The following SPAG1 variants were observed in gnomAD, a reference collection of about 807,000 sequenced individuals.
The protein encoded by SPAG1 is sperm-associated antigen 1.
Under a neutral mutation model 100.5 loss-of-function variants are expected in SPAG1, and 69 were observed. The observed-to-expected ratio is 0.69, with a 90% CI of 0.57 to 0.84. SPAG1 has a LOEUF of 0.84. SPAG1 is among the 40% of genes least tolerant of loss of function. The pLI is 0.00. For synonymous variants in SPAG1, 336 were observed against 411.6 expected (o/e 0.82, Z 2.22); for missense variants, 955 against 1,133.1 (o/e 0.84, Z 2.26).
intron 2 of SPAG1, among the ~76,000 whole-genome samples, chr8:100,164,761 T>C (rs957876560): frequency 6.6e-6 from 1 of 152,228 alleles, no homozygotes; most frequent in East Asian, 1.9e-4. Context: ...TTCATTGATA[T>C]GTTTATTGAC....
rs1254128805 is a variant in SPAG1 at position 100,241,707 on chromosome 8, A to G, written c.*685A>G. The G allele has an allele frequency of 6.6e-6, 1 of 152,222 alleles. No individual in the cohort carries two copies. Among genetic ancestry groups the G allele is most frequent in the Non-Finnish European group, 1.5e-5 (1 of 68,016 alleles). 9.4% of individuals were successfully genotyped at this position (152,222 alleles called of 1,614,324 possible). The stretch of plus-strand genomic sequence containing the variant: ...TAAGCAAAAAACCAACCACTGTATT[A>G]AAGCAAACTAAGCCTGCATTTATAT... On this transcript the variant is annotated 3_prime_UTR_variant, in exon 19 of 19. Transcript: ENST00000388798. The surrounding 1 kb of genome is among the most constrained non-coding windows in gnomAD (Gnocchi z 5.1).
In SPAG1 at chr8:100,168,906, C is replaced by G. The variant is rs186911135; in HGVS notation, c.300+2933C>G. On this transcript the variant is annotated intron_variant, in intron 3 of 18. Transcript: ENST00000388798. ...TTCTCCATGTTGGTCAGGCTGGTCT[C>G]GAACTCCCAACCTCATGTGATCTGC... Among the ~76,000 whole-genome samples, 187 of 151,848 alleles carry G rather than the reference C, an allele frequency of 1.2e-3. 1 individual carries two copies. The highest frequency in any genetic ancestry group is 0.011 in the Admixed American group (167 of 15,256).
intron 2 of SPAG1, among the ~76,000 whole-genome samples, chr8:100,162,773 T>C (rs1815370637): frequency 6.6e-6 from 1 of 151,338 alleles, no homozygotes. Flanking sequence ...AGCTCAGGAG[T>C]TCAAGACCAG....
At chr8:100,162,442 CAT>C (rs1815351903) in intron 2 of SPAG1, 22 bp downstream of exon 2, 35 of 1,536,494 alleles carry the variant, frequency 2.3e-5, no homozygotes, top group Non-Finnish European at 2.7e-5. Context: ...AAAATCATTA[CAT>C]GTTTTAGTAT....
At chr8:100,229,856 T>G (rs1818686239) in intron 14 of SPAG1, among the ~76,000 whole-genome samples, 1 of 152,158 alleles carries the variant, frequency 6.6e-6, no homozygotes, top group South Asian at 2.1e-4. Context: ...TATCCACAGG[T>G]GGAGTGGCTG....
chr8:100,160,633 A>AG (rs1563764921), intron 1 of SPAG1, among the ~76,000 whole-genome samples: 1 of 151,930 alleles, frequency 6.6e-6, no homozygotes, highest in Non-Finnish European at 1.5e-5. Flanking sequence ...ACTCAAAAAA[A>AG]AAAAAAAAAA....
intron 3 of SPAG1, among the ~76,000 whole-genome samples, chr8:100,166,583 G>C (rs975471167): frequency 2.0e-5 from 3 of 151,722 alleles, no homozygotes; most frequent in Non-Finnish European, 2.9e-5. Flanking sequence ...GCACCTCCCT[G>C]ATTATTTCCT....
rs774653418 is a variant in SPAG1 at position 100,177,489 on chromosome 8, T to C, written c.301-327T>C. On this transcript the variant is annotated intron_variant, in intron 3 of 18. Coordinates refer to ENST00000388798, the MANE Select transcript of SPAG1 (RefSeq NM_003114.5). ...TATGGTCTGTAAGTGTTTGTGTGGG[T>C]AAGTTTTGATAAATTTTAACTTTTT... is the stretch of plus-strand genomic sequence containing the variant. 1.2e-3 allele frequency among the ~76,000 whole-genome samples: 181 copies of C among 152,314 alleles called. 2 individuals carry two copies. The highest frequency in any genetic ancestry group is 2.1e-3 in the Non-Finnish European group (145 of 68,022).
rs1320596691 is a variant in SPAG1 at position 100,240,962 on chromosome 8, A to G, written c.2721A>G (p.Thr907=). The change falls in exon 19 of 19, where the codon ACA becomes ACG. Residue 907 remains threonine, a synonymous_variant. Transcript: ENST00000388798. ...AGCTGTTTGAGGACCTTTCGGACACACCAAACAACCATTTTACTTTAGAAG... is the reference window on the plus strand; with the variant it reads ...AGCTGTTTGAGGACCTTTCGGACACGCCAAACAACCATTTTACTTTAGAAG... ...IEQLFEDLSD[T]PNNHFTLEDI... is the part of the protein sequence containing the mutation. 6.2e-7 allele frequency: 1 copy of G among 1,613,242 alleles called. No homozygotes were observed. The highest frequency in any genetic ancestry group is 1.7e-5 in the Admixed American group (1 of 59,896).
intron 3 of SPAG1, among the ~76,000 whole-genome samples, chr8:100,166,257 A>T (rs1212954721): frequency 6.6e-6 from 1 of 151,364 alleles, no homozygotes; most frequent in African/African-American, 2.4e-5. Context: ...TTTATTTGTA[A>T]TTTTTTTTCT....
At chr8:100,217,451 T>G (rs1401543201) in intron 12 of SPAG1, among the ~76,000 whole-genome samples, 1 of 152,128 alleles carries the variant, frequency 6.6e-6, no homozygotes, top group East Asian at 1.9e-4. Flanking sequence ...CCATTTGGAG[T>G]GCAGAGTTGG....
At chr8:100,213,038 CAACTG>C in intron 10 of SPAG1, 47 bp from the exon 11 acceptor site, 7 of 1,356,722 alleles carry the variant, frequency 5.2e-6, no homozygotes, top group Non-Finnish European at 6.6e-6. Flanking sequence ...GCCTCCGCGG[CAACTG>C]CTCCCGGTGA....
At chr8:100,234,269 C>T (rs1818904420) in intron 16 of SPAG1, among the ~76,000 whole-genome samples, 2 of 152,138 alleles carry the variant, frequency 1.3e-5, no homozygotes, top group Non-Finnish European at 2.9e-5. Flanking sequence ...TGTAATTGTG[C>T]AGGTCATTGA....
intron 9 of SPAG1, among the ~76,000 whole-genome samples, chr8:100,192,211 T>C (rs1343034911): frequency 6.6e-6 from 1 of 152,186 alleles, no homozygotes; most frequent in East Asian, 1.9e-4. Context: ...ACGTCTGTAA[T>C]CCCAGCTCTT....
chr8:100,237,770 CA>C (rs1819071004), intron 16 of SPAG1, among the ~76,000 whole-genome samples: 1 of 152,120 alleles, frequency 6.6e-6, no homozygotes, highest in Non-Finnish European at 1.5e-5. Flanking sequence ...CACTTGTCAA[CA>C]TGCATTTCTT....
Position 100,162,279 on chromosome 8 carries a change from C to T in SPAG1, c.-2C>T, listed in dbSNP as rs376710382. The T allele has an allele frequency of 4.0e-5, 63 of 1,593,010 alleles. No homozygotes were observed. Among genetic ancestry groups the T allele is most frequent in the Non-Finnish European group, 5.0e-5 (59 of 1,170,886 alleles). On this transcript the variant is annotated splice_region_variant and 5_prime_UTR_variant, in exon 2 of 19. Transcript: ENST00000388798. Reference sequence around the variant, plus strand: ...ATAACTTTTAAATATTGTATTTCAGCTATGACCACCAAAGATTATCCATCA... The same window carrying T: ...ATAACTTTTAAATATTGTATTTCAGTTATGACCACCAAAGATTATCCATCA...
Position 100,220,451 on chromosome 8 carries a change from T to TATTA in SPAG1, c.1688+21_1688+22insTTAA. On this transcript the variant is annotated intron_variant, in intron 13 of 18. Transcript: ENST00000388798. The stretch of plus-strand genomic sequence containing the variant: ...TAACAGGTAATTAATCTGAGGCAGC[T>TATTA]ACCTAAAATCTAGTTGTTTTATACT... 1 of 1,597,558 alleles carries TATTA rather than the reference T, an allele frequency of 6.3e-7. No homozygotes were observed. The highest frequency in any genetic ancestry group is 8.5e-7 in the Non-Finnish European group (1 of 1,173,358).
At chr8:100,181,633 G>A (rs908731412) in intron 4 of SPAG1, among the ~76,000 whole-genome samples, 1 of 152,108 alleles carries the variant, frequency 6.6e-6, no homozygotes, top group Non-Finnish European at 1.5e-5. Flanking sequence ...TCCAGCTTTT[G>A]GAAGCCCCGG....
chr8:100,208,367 T>C (rs1418463255), intron 10 of SPAG1, among the ~76,000 whole-genome samples: 1 of 152,158 alleles, frequency 6.6e-6, no homozygotes, highest in East Asian at 1.9e-4. Context: ...TGAGGGCGTG[T>C]CTTAGTATTA....
Sources: gnomAD v4.1 joint callset for allele counts (sites outside exome capture counted in the v4.1 genomes callset) on GRCh38, gnomAD v4.1.1 for gene constraint, Gnocchi (gnomAD v3.1) non-coding constraint, MANE v1.5 for transcripts, NCBI Gene and HGNC (gene_info 2026-07-23, HGNC 2026-07-21) for gene names.